TMIGD3: variants seen among roughly 807,000 people sequenced by gnomAD.
TMIGD3 encodes the protein AD026 protein (AD026).
TMIGD3 carries 21 observed loss-of-function variants against 28.1 expected under a neutral mutation model. The observed-to-expected ratio is 0.75, with a 90% CI of 0.53 to 1.08. The LOEUF is 1.08. TMIGD3 is among the 50% of genes least tolerant of loss of function. The pLI is 0.00. For synonymous variants in TMIGD3, 151 were observed against 162.1 expected (o/e 0.93, Z 0.52); for missense variants, 416 against 435.6 (o/e 0.96, Z 0.40).
chr1:111,501,946 A>C (rs1232737856), intron 1 of TMIGD3, among the ~76,000 whole-genome samples: 1 of 150,262 alleles, frequency 6.7e-6, no homozygotes, highest in East Asian at 1.9e-4. Flanking sequence ...GTAATGAAGA[A>C]TATTTTTACG....
chr1:111,489,065 A>T, intron 2 of TMIGD3, 41 bp from the exon 3 acceptor site: 1 of 1,521,890 alleles, frequency 6.6e-7, no homozygotes, highest in Non-Finnish European at 9.0e-7. Context: ...GCACACACAC[A>T]CACCATTGTT....
chr1:111,550,270 G>A (rs1214657966), intron 1 of TMIGD3, among the ~76,000 whole-genome samples: 1 of 152,072 alleles, frequency 6.6e-6, no homozygotes, highest in African/African-American at 2.4e-5. Context: ...CCTTTTAAAA[G>A]AACCAACTTC....
At chr1:111,527,975 T>C (rs1320134139) in intron 1 of TMIGD3, among the ~76,000 whole-genome samples, 1 of 152,216 alleles carries the variant, frequency 6.6e-6, no homozygotes, top group South Asian at 2.1e-4. Flanking sequence ...TCTCTTAACA[T>C]TGTTTTTTTG....
At chr1:111,553,434 T>A (rs1300599323) in intron 1 of TMIGD3, among the ~76,000 whole-genome samples, 2 of 152,098 alleles carry the variant, frequency 1.3e-5, no homozygotes, top group African/African-American at 4.8e-5. Flanking sequence ...CGTTTGTCTC[T>A]GACTCAGGAG....
intron 1 of TMIGD3, among the ~76,000 whole-genome samples, chr1:111,553,182 G>A (rs1163650281): frequency 6.6e-6 from 1 of 152,228 alleles, no homozygotes; most frequent in Non-Finnish European, 1.5e-5. Context: ...CTAGAGCAGA[G>A]AACAGATTTG....
chr1:111,488,985 AC>A lies in TMIGD3; in HGVS notation c.496del (p.Val166CysfsTer46). 6.2e-7 allele frequency: 1 copy of A among 1,613,974 alleles called. No individual in the cohort carries two copies. The highest frequency in any genetic ancestry group is 8.5e-7 in the Non-Finnish European group (1 of 1,179,854). ...VMDEKVKRSF[V>X]LDTASAICNY... ...GCAGATGGCAGAAGCCGTGTCCAGC[AC>A]AAAGCTTCTCTTGACCTTTTCATCC... is the stretch of plus-strand genomic sequence containing the variant. On this transcript the variant is annotated frameshift_variant, in exon 3 of 6. Transcript: ENST00000369716. LOFTEE classifies it high-confidence loss of function.
At chr1:111,550,037 T>G (rs1657198800) in intron 1 of TMIGD3, among the ~76,000 whole-genome samples, 1 of 152,216 alleles carries the variant, frequency 6.6e-6, no homozygotes, top group Admixed American at 6.5e-5. Flanking sequence ...TTTCTAGTCT[T>G]TCTTGAGTGA....
intron 1 of TMIGD3, among the ~76,000 whole-genome samples, chr1:111,551,367 G>A (rs7553961): frequency 0.085 from 12,854 of 152,090 alleles, 753 homozygotes; most frequent in Middle Eastern, 0.15. Flanking sequence ...TTTCTAGGGG[G>A]CCACTTTAAT....
chr1:111,551,262 C>CG (rs1248402826), intron 1 of TMIGD3, among the ~76,000 whole-genome samples: 1 of 152,096 alleles, frequency 6.6e-6, no homozygotes, highest in African/African-American at 2.4e-5. Context: ...AAAGGGCTTA[C>CG]GTGTGCCATT....
At chr1:111,525,583 G>T (rs1488752469) in intron 1 of TMIGD3, among the ~76,000 whole-genome samples, 2 of 152,084 alleles carry the variant, frequency 1.3e-5, no homozygotes, top group Non-Finnish European at 2.9e-5. Flanking sequence ...AATTTCTTTG[G>T]CTAGGCACAG....
At chr1:111,553,819 A>C (rs1463514419) in intron 1 of TMIGD3, among the ~76,000 whole-genome samples, 3 of 152,112 alleles carry the variant, frequency 2.0e-5, no homozygotes, top group African/African-American at 7.2e-5. Flanking sequence ...CCATCTCTTA[A>C]CACCTGTATC....
chr1:111,531,379 C>G (rs1191882665), intron 1 of TMIGD3, among the ~76,000 whole-genome samples: 1 of 151,754 alleles, frequency 6.6e-6, no homozygotes, highest in Non-Finnish European at 1.5e-5. Context: ...ATCTTTTCTT[C>G]ACAGTATTTA....
rs527326365 is a variant in TMIGD3 at position 111,488,886 on chromosome 1, A to G, written c.596T>C (p.Ile199Thr). Residue 199 changes from isoleucine to threonine, a missense_variant, in exon 3 of 6, where the codon ATC (isoleucine) becomes ACC (threonine). By Grantham distance (89) the Ile-to-Thr change is moderately conservative. Coordinates refer to ENST00000369716, the MANE Select transcript of TMIGD3 (RefSeq NM_020683.7). ...RGYFRDYCNI[I>T]AFSPNSTNHV... ...ATTGGTGCTGTTAGGGGAGAAGGCG[A>G]TGATGTTGCAGTAGTCACGGAAATA... The G allele has an allele frequency of 3.7e-6, 6 of 1,614,158 alleles. No homozygotes were observed. Among genetic ancestry groups the G allele is most frequent in the Middle Eastern group, 1.6e-4 (1 of 6,062 alleles).
intron 1 of TMIGD3, chr1:111,563,759 C>T (rs1260025943): frequency 2.1e-6 from 2 of 940,646 alleles, no homozygotes; most frequent in African/African-American, 3.2e-5. Context: ...TGCCCCATAT[C>T]ATGAATAAAT....
intron 1 of TMIGD3, among the ~76,000 whole-genome samples, chr1:111,551,643 A>C (rs1211550965): frequency 6.6e-6 from 1 of 152,200 alleles, no homozygotes; most frequent in Non-Finnish European, 1.5e-5. Context: ...ATTTTTAAAA[A>C]GGGAGTTACA....
At chr1:111,494,004 G>T (rs748622981) in intron 1 of TMIGD3, among the ~76,000 whole-genome samples, 51 of 152,200 alleles carry the variant, frequency 3.4e-4, no homozygotes, top group Admixed American at 1.3e-4. Flanking sequence ...AAAAGAAACT[G>T]AATATACAAG....
At chr1:111,533,420 T>C (rs1430494255) in intron 1 of TMIGD3, among the ~76,000 whole-genome samples, 4 of 152,192 alleles carry the variant, frequency 2.6e-5, no homozygotes, top group Non-Finnish European at 5.9e-5. Flanking sequence ...AGTATAAAAG[T>C]ATATAAAATT....
chr1:111,497,837 T>G (rs1279529977), intron 1 of TMIGD3, among the ~76,000 whole-genome samples: 1 of 152,228 alleles, frequency 6.6e-6, no homozygotes, highest in Non-Finnish European at 1.5e-5. Flanking sequence ...TAAGTGTTTC[T>G]ATGGCAACGT....
intron 5 of TMIGD3, chr1:111,485,500 C>T: frequency 2.4e-6 from 1 of 409,006 alleles, no homozygotes; most frequent in Non-Finnish European, 4.4e-6. Flanking sequence ...TCAGGACCTC[C>T]TTCCTTCCTG....
Sources: gnomAD v4.1 joint callset for allele counts (sites outside exome capture counted in the v4.1 genomes callset) on GRCh38, gnomAD v4.1.1 for gene constraint, MANE v1.5 for transcripts, NCBI Gene and HGNC (gene_info 2026-07-23, HGNC 2026-07-21) for gene names.